The following LRRC7 variants were observed in gnomAD, a reference collection of about 807,000 sequenced individuals.
LRRC7 encodes leucine-rich repeat-containing protein 7.
LRRC7 carries 23 observed loss-of-function variants against 175.7 expected under a neutral mutation model. That is an observed-to-expected ratio of 0.13 (90% CI 0.09 to 0.19). LRRC7 has a LOEUF of 0.19. LRRC7 is among the 10% of genes least tolerant of loss of function. The probability of loss-of-function intolerance (pLI) is 1.00; values close to 1 mark genes in which losing one functional copy is unlikely to be tolerated. For missense variants in LRRC7, 1,354 were observed against 1,904.7 expected (o/e 0.71, Z 5.38); for synonymous variants, 685 against 680.9 (o/e 1.01, Z -0.09).
intron 25 of LRRC7, among the ~76,000 whole-genome samples, chr1:70,103,379 G>A (rs1259003097): frequency 1.3e-5 from 2 of 152,128 alleles, no homozygotes; most frequent in African/African-American, 4.8e-5. Context: ...AATCACATGG[G>A]CCTTAAAAAT....
chr1:69,832,234 T>A (rs766161241), intron 5 of LRRC7, among the ~76,000 whole-genome samples: 1 of 152,180 alleles, frequency 6.6e-6, no homozygotes, highest in Middle Eastern at 3.4e-3. Context: ...TCAAACACAA[T>A]GGGAGAGGGA....
At chr1:69,919,518 G>A (rs1646817622) in intron 7 of LRRC7, 1 of 825,752 alleles carries the variant, frequency 1.2e-6, no homozygotes, top group African/African-American at 1.7e-5. Flanking sequence ...AGCCCGCCAG[G>A]GTCCGCCGCT....
chr1:70,077,704 A>G (rs1178440254), intron 24 of LRRC7, among the ~76,000 whole-genome samples: 1 of 152,206 alleles, frequency 6.6e-6, no homozygotes, highest in African/African-American at 2.4e-5. Context: ...CTATTTTAAT[A>G]CTATTTCCCC....
chr1:69,709,960 CT>C (rs1664539479), intron 2 of LRRC7, among the ~76,000 whole-genome samples: 1 of 151,932 alleles, frequency 6.6e-6, no homozygotes, highest in Admixed American at 6.6e-5. Context: ...AGTTTCATTT[CT>C]TATGATAATG....
intron 25 of LRRC7, among the ~76,000 whole-genome samples, chr1:70,092,348 AAGT>A (rs1253720267): frequency 6.6e-6 from 1 of 152,108 alleles, no homozygotes. Flanking sequence ...AGTCATGCAA[AAGT>A]TTAAACTTTA....
chr1:69,922,786 CT>C (rs1162257402), intron 7 of LRRC7, among the ~76,000 whole-genome samples: 1 of 151,528 alleles, frequency 6.6e-6, no homozygotes, highest in Non-Finnish European at 1.5e-5. Context: ...AAATACTATT[CT>C]TTTTTTTAAT....
intron 1 of LRRC7, among the ~76,000 whole-genome samples, chr1:69,574,411 G>T (rs1404584079): frequency 6.6e-6 from 1 of 152,000 alleles, no homozygotes; most frequent in Non-Finnish European, 1.5e-5. Context: ...TATTGAAAAA[G>T]ATAAGAATAC....
intron 1 of LRRC7, among the ~76,000 whole-genome samples, chr1:69,572,182 C>A (rs1645765761): frequency 6.6e-6 from 1 of 152,098 alleles, no homozygotes; most frequent in African/African-American, 2.4e-5. Context: ...ACTCTAGGCT[C>A]TTTGGAGAAT....
chr1:70,061,715 CA>C (rs1661591683), intron 23 of LRRC7, among the ~76,000 whole-genome samples: 1 of 152,082 alleles, frequency 6.6e-6, no homozygotes, highest in Non-Finnish European at 1.5e-5. Flanking sequence ...AGGAAGATAT[CA>C]AATGTGTCCA....
At chr1:69,838,193 A>T in intron 6 of LRRC7, 34 bp from the exon 7 acceptor site, 5 of 1,531,502 alleles carry the variant, frequency 3.3e-6, no homozygotes, top group Non-Finnish European at 4.5e-6. Flanking sequence ...AGACAGACAT[A>T]CTAAGAGGAA....
intron 7 of LRRC7, among the ~76,000 whole-genome samples, chr1:69,876,558 C>T (rs755610735): frequency 6.6e-6 from 1 of 152,126 alleles, no homozygotes; most frequent in Non-Finnish European, 1.5e-5. Flanking sequence ...CTACGTCTTG[C>T]TCAAATCTCA....
intron 2 of LRRC7, among the ~76,000 whole-genome samples, chr1:69,701,888 A>G (rs769341029): frequency 6.6e-6 from 1 of 152,234 alleles, no homozygotes; most frequent in Non-Finnish European, 1.5e-5. Flanking sequence ...CACTAGTGTT[A>G]TACAAGCTAA....
At chr1:69,732,374 G>T (rs1667673389) in intron 2 of LRRC7, among the ~76,000 whole-genome samples, 1 of 151,984 alleles carries the variant, frequency 6.6e-6, no homozygotes, top group African/African-American at 2.4e-5. Flanking sequence ...AAGGAAAGAT[G>T]AACACTGTTA....
At chr1:69,778,051 A>G (rs1055587232) in intron 3 of LRRC7, among the ~76,000 whole-genome samples, 1 of 152,174 alleles carries the variant, frequency 6.6e-6, no homozygotes, top group African/African-American at 2.4e-5. Context: ...CTGCTCTCTT[A>G]GGAAGTGTTC....
intron 11 of LRRC7, among the ~76,000 whole-genome samples, chr1:69,999,538 T>C (rs2101924659): frequency 6.6e-6 from 1 of 152,282 alleles, no homozygotes; most frequent in East Asian, 1.9e-4. Flanking sequence ...GAGAAATCAT[T>C]GCTTCAATTG....
intron 8 of LRRC7, among the ~76,000 whole-genome samples, chr1:69,956,633 A>G (rs1055294929): frequency 6.6e-6 from 1 of 151,794 alleles, no homozygotes; most frequent in African/African-American, 2.4e-5. Context: ...CAATAGTTAC[A>G]TCATTTCTAT....
Position 69,642,788 on chromosome 1 carries a change from A to C in LRRC7, c.3-35593A>C, listed in dbSNP as rs1055555133. 2.6e-5 allele frequency among the ~76,000 whole-genome samples: 4 copies of C among 151,040 alleles called. No homozygotes were observed. The Admixed American group carries it at 2.7e-4, about 10-fold the overall frequency. On this transcript the variant is annotated intron_variant, in intron 1 of 26. Coordinates refer to ENST00000651989, the MANE Select transcript of LRRC7 (RefSeq NM_001370785.2). ...TGTATCAGTTGGTATTCTCTAGAGA[A>C]ACAGAACTAATGACAGATGATACAT...
intron 7 of LRRC7, among the ~76,000 whole-genome samples, chr1:69,898,945 C>T (rs571020658): frequency 1.1e-4 from 17 of 152,316 alleles, no homozygotes; most frequent in African/African-American, 4.1e-4. Context: ...TGGAGAACCA[C>T]GCAGCATCTC....
intron 2 of LRRC7, among the ~76,000 whole-genome samples, 200 bp downstream of exon 2, chr1:69,678,678 T>C (rs547616718): frequency 6.6e-6 from 1 of 152,290 alleles, no homozygotes; most frequent in Non-Finnish European, 1.5e-5. Context: ...AATATTTCTC[T>C]GGTACTTCAA....
Sources: allele counts gnomAD v4.1 joint callset (sites outside exome capture counted in the v4.1 genomes callset), GRCh38; gene constraint gnomAD v4.1.1; transcripts MANE v1.5; gene names NCBI Gene and HGNC (gene_info 2026-07-23, HGNC 2026-07-21).